Variants in STAM observed in about 807,000 individuals in gnomAD.
The protein encoded by STAM is signal transducing adapter molecule 1.
A neutral mutation model predicts 63.4 loss-of-function variants in STAM; 16 were observed. The observed-to-expected ratio is 0.25, with a 90% CI of 0.17 to 0.38. STAM has a LOEUF of 0.38. Ranked by LOEUF, STAM falls within the 10% of genes least tolerant of loss-of-function variation. The pLI, the probability that STAM is intolerant of heterozygous loss-of-function variation, is 1.00. For synonymous variants in STAM, 238 were observed against 223.9 expected, an observed-to-expected ratio of 1.06 and a Z score of -0.56; for missense variants, 636 against 657.1, an observed-to-expected ratio of 0.97 and a Z score of 0.35.
Position 17,693,236 on chromosome 10 carries a change from A to G in STAM, c.459A>G (p.Ala153=). Residue 153 remains alanine (A), a synonymous_variant, in exon 6 of 14, where the codon GCA becomes GCG. Coordinates refer to ENST00000377524, the MANE Select transcript of STAM (RefSeq NM_003473.4). ...PAIGSQAAEQ[A]KASPALVAKD... ...TTTTTTGTTAGGCTGCAGAACAAGC[A>G]AAAGCAAGCCCAGCTCTTGTAGCCA... 4 of 1,613,694 alleles carry G rather than the reference A, an allele frequency of 2.5e-6. No homozygotes were observed. The highest frequency in any genetic ancestry group is 3.4e-6 in the Non-Finnish European group (4 of 1,179,814).
At chr10:17,683,983 G>A (rs1589071752) in intron 2 of STAM, among the ~76,000 whole-genome samples, 1 of 152,200 alleles carries the variant, frequency 6.6e-6, no homozygotes, top group Non-Finnish European at 1.5e-5. Flanking sequence ...GTATGATTGA[G>A]CTGCATTGCT....
At chr10:17,654,098 G>A (rs1833845852) in intron 1 of STAM, among the ~76,000 whole-genome samples, 1 of 152,174 alleles carries the variant, frequency 6.6e-6, no homozygotes, top group South Asian at 2.1e-4. Flanking sequence ...TGAAGTCTTT[G>A]CTGACTGGGT....
chr10:17,644,222 C>G lies in STAM; in HGVS notation c.-118C>G. Reference sequence around the variant, plus strand: ...GGGTGAGAGGAGGAGCTGTCGCGGACCCTGTAGAGTCGGTCTCTGTTGCTC... The same window carrying G: ...GGGTGAGAGGAGGAGCTGTCGCGGAGCCTGTAGAGTCGGTCTCTGTTGCTC... On this transcript the variant is annotated 5_prime_UTR_variant, in exon 1 of 14. Coordinates refer to ENST00000377524, the MANE Select transcript of STAM (RefSeq NM_003473.4). 1 of 1,108,982 alleles carries G rather than the reference C, an allele frequency of 9.0e-7. No individual in the cohort carries two copies. The highest frequency in any genetic ancestry group is 1.3e-6 in the Non-Finnish European group (1 of 742,402). The allele number at this position is 1,108,982 out of a possible 1,614,324, so 68.7% of individuals were successfully genotyped here. A position where few individuals can be genotyped will look rare whatever the true frequency, so the allele number is the denominator to read the frequency against.
At chr10:17,675,942 A>C (rs1430107225) in intron 2 of STAM, among the ~76,000 whole-genome samples, 1 of 152,202 alleles carries the variant, frequency 6.6e-6, no homozygotes, top group Non-Finnish European at 1.5e-5. Context: ...GAATCAGATT[A>C]TCTGAGTACT....
At chr10:17,647,130 G>A (rs1554820947) in intron 1 of STAM, among the ~76,000 whole-genome samples, 1 of 152,166 alleles carries the variant, frequency 6.6e-6, no homozygotes, top group African/African-American at 2.4e-5. Flanking sequence ...ATCCCTAGCT[G>A]TAGACCAGTT....
At chr10:17,666,412 T>TTTTTTTTTTTTTTTA (rs1834381052) in intron 2 of STAM, among the ~76,000 whole-genome samples, 1 of 144,436 alleles carries the variant, frequency 6.9e-6, no homozygotes, top group African/African-American at 2.5e-5. Flanking sequence ...TTTTTTTTTT[T>TTTTTTTTTTTTTTTA]GAGACAGAGT....
At chr10:17,646,678 T>A (rs1833533201) in intron 1 of STAM, among the ~76,000 whole-genome samples, 1 of 152,228 alleles carries the variant, frequency 6.6e-6, no homozygotes, top group Non-Finnish European at 1.5e-5. Flanking sequence ...CTTCTCACAA[T>A]CCTTGTATTG....
Position 17,709,027 on chromosome 10 carries a change from T to C in STAM, c.1385+76T>C, listed in dbSNP as rs564888454. 15 of 1,500,908 alleles carry C rather than the reference T, an allele frequency of 1.0e-5. No individual in the cohort carries two copies. The South Asian group carries it at 1.8e-4, about 18-fold the overall frequency. The allele number at this position is 1,500,908 out of a possible 1,614,324, so 93.0% of individuals were successfully genotyped here. ...AAGTGCCCCCAGTTATCTATAACTATAAAATCTGGCTAATAAATATCTGTG... is the reference window on the plus strand; with the variant it reads ...AAGTGCCCCCAGTTATCTATAACTACAAAATCTGGCTAATAAATATCTGTG... On this transcript the variant is annotated intron_variant, in intron 13 of 13. Transcript: ENST00000377524.
At chr10:17,651,219 C>T (rs1833730202) in intron 1 of STAM, among the ~76,000 whole-genome samples, 7 of 152,064 alleles carry the variant, frequency 4.6e-5, no homozygotes, top group Admixed American at 4.6e-4. Flanking sequence ...GTGTATTTCA[C>T]TCCTTATTGG....
intron 2 of STAM, among the ~76,000 whole-genome samples, chr10:17,677,041 G>T (rs1834885795): frequency 6.6e-6 from 1 of 152,162 alleles, no homozygotes; most frequent in Non-Finnish European, 1.5e-5. Flanking sequence ...TTTTAAGCTA[G>T]TATGTAAAAA....
At chr10:17,661,873 G>A (rs529527993) in intron 2 of STAM, among the ~76,000 whole-genome samples, 17 of 149,454 alleles carry the variant, frequency 1.1e-4, no homozygotes, top group South Asian at 2.1e-4. Flanking sequence ...CCACTATGAC[G>A]TTCCCAAAGA....
intron 6 of STAM, among the ~76,000 whole-genome samples, chr10:17,693,994 A>C (rs577496761): frequency 3.9e-5 from 6 of 152,270 alleles, no homozygotes; most frequent in African/African-American, 1.4e-4. Context: ...GGTAGGTTTA[A>C]AATGATGTCC....
intron 5 of STAM, among the ~76,000 whole-genome samples, chr10:17,692,520 T>C (rs1388166698): frequency 1.3e-5 from 2 of 152,060 alleles, no homozygotes; most frequent in African/African-American, 4.8e-5. Flanking sequence ...GGAAATGAGG[T>C]TGGTAAGATA....
intron 10 of STAM, 139 bp downstream of exon 10, chr10:17,704,657 T>C: frequency 1.4e-6 from 1 of 735,058 alleles, no homozygotes. Context: ...CACTCTCATA[T>C]GCAGTTGAAA....
chr10:17,674,066 A>G (rs1475681669), intron 2 of STAM, among the ~76,000 whole-genome samples: 2 of 152,212 alleles, frequency 1.3e-5, no homozygotes, highest in Non-Finnish European at 2.9e-5. Flanking sequence ...TCCAGGGATG[A>G]GATTCATGGC....
intron 11 of STAM, among the ~76,000 whole-genome samples, 188 bp downstream of exon 11, chr10:17,705,212 C>T (rs752724387): frequency 1.6e-4 from 25 of 152,002 alleles, no homozygotes; most frequent in Admixed American, 3.3e-4. Context: ...AGGATTTGAT[C>T]GACCTTTGCA....
Position 17,705,567 on chromosome 10 carries a change from A to G in STAM, c.1056-21A>G, listed in dbSNP as rs374614211. 23 of 1,603,230 alleles carry G rather than the reference A, an allele frequency of 1.4e-5. No individual in the cohort carries two copies. The highest frequency in any genetic ancestry group is 1.8e-5 in the Non-Finnish European group (21 of 1,176,174). On this transcript the variant is annotated intron_variant, in intron 11 of 13. Transcript: ENST00000377524. The stretch of plus-strand genomic sequence containing the variant: ...TCATTTTAGTAACAGCTATGCTTCA[A>G]ATTATTGTGTCATGTTTCAGAAAAC...
intron 1 of STAM, among the ~76,000 whole-genome samples, chr10:17,652,275 CTGAGAAGAATTG>C (rs2131562517): frequency 6.6e-6 from 1 of 152,046 alleles, no homozygotes; most frequent in African/African-American, 2.4e-5. Context: ...TCTTTTATAA[CTGAGAAGAATTG>C]TGCCACTGAT....
intron 1 of STAM, among the ~76,000 whole-genome samples, chr10:17,648,044 G>A (rs1554821097): frequency 1.3e-5 from 2 of 152,154 alleles, no homozygotes. Context: ...TCCTGTCACT[G>A]AGCTCCAATG....
Sources: gnomAD v4.1 joint callset for allele counts (sites outside exome capture counted in the v4.1 genomes callset) on GRCh38, gnomAD v4.1.1 for gene constraint, MANE v1.5 for transcripts, NCBI Gene and HGNC (gene_info 2026-07-23, HGNC 2026-07-21) for gene names.